Variants in PTPRD observed in about 807,000 individuals in gnomAD.
PTPRD encodes protein tyrosine phosphatase receptor type D, also known as receptor-type tyrosine-protein phosphatase delta.
In PTPRD, 34 loss-of-function variants were observed where a neutral mutation model predicts 214.5. The ratio of observed to expected loss-of-function variants is 0.16; its 90% confidence interval spans 0.12 to 0.21. PTPRD has a LOEUF of 0.21. Among genes scored for constraint, PTPRD ranks in the 10% least tolerant of loss-of-function variants. PTPRD has a pLI of 1.00. For synonymous variants in PTPRD, 1,128 were observed against 845.7 expected, an observed-to-expected ratio of 1.33 and a Z score of -5.79; for missense variants, 2,545 against 2,398.7, an observed-to-expected ratio of 1.06 and a Z score of -1.27.
At chr9:9,285,499 C>T (rs1430242885) in intron 9 of PTPRD, among the ~76,000 whole-genome samples, 1 of 151,826 alleles carries the variant, frequency 6.6e-6, no homozygotes, top group Non-Finnish European at 1.5e-5. Context: ...TTCTTGCTCT[C>T]TCCAGACATT....
chr9:10,204,713 GTGTC>G (rs1460329066), intron 3 of PTPRD, among the ~76,000 whole-genome samples: 1 of 152,058 alleles, frequency 6.6e-6, no homozygotes, highest in East Asian at 1.9e-4. Flanking sequence ...ATTGGAAAAA[GTGTC>G]TGCAATCTGA....
At chr9:8,794,079 G>A (rs1599986762) in intron 11 of PTPRD, among the ~76,000 whole-genome samples, 1 of 152,168 alleles carries the variant, frequency 6.6e-6, no homozygotes, top group South Asian at 2.1e-4. Context: ...GCAGCAGCCT[G>A]AATCAAAGAG....
intron 36 of PTPRD, among the ~76,000 whole-genome samples, chr9:8,403,088 T>G (rs1404976649): frequency 6.6e-6 from 1 of 152,148 alleles, no homozygotes; most frequent in African/African-American, 2.4e-5. Flanking sequence ...TGGAAACAAA[T>G]GTATTAATGG....
chr9:10,051,268 G>A (rs1210721907), intron 3 of PTPRD, among the ~76,000 whole-genome samples: 1 of 152,006 alleles, frequency 6.6e-6, no homozygotes, highest in Non-Finnish European at 1.5e-5. Flanking sequence ...GCTATCATTT[G>A]GTAATTATTG....
chr9:9,460,394 C>T (rs186238697), intron 8 of PTPRD, among the ~76,000 whole-genome samples: 1 of 151,990 alleles, frequency 6.6e-6, no homozygotes, highest in Non-Finnish European at 1.5e-5. Flanking sequence ...AGTAAATGGG[C>T]AGCCTGCAGA....
chr9:8,977,959 G>A (rs982512161), intron 11 of PTPRD, among the ~76,000 whole-genome samples: 3 of 152,006 alleles, frequency 2.0e-5, no homozygotes, highest in South Asian at 2.1e-4. Flanking sequence ...TGTTTATACT[G>A]TTGTCTTTTA....
rs538638113 is a variant in PTPRD at position 9,677,857 on chromosome 9, C to A, written c.-287+56676G>T. On this transcript the variant is annotated intron_variant, in intron 7 of 45. Coordinates refer to ENST00000381196, the MANE Select transcript of PTPRD (RefSeq NM_002839.4). ...CCCAAAATCTCCTTAAGTTGATAGG[C>A]AAGTTCAGCAAAGTCTCAGGATACA... Among the ~76,000 whole-genome samples the A allele has an allele frequency of 2.5e-3, 377 of 152,142 alleles. 2 individuals carry two copies. The highest frequency in any genetic ancestry group is 8.5e-3 in the African/African-American group (354 of 41,522).
intron 3 of PTPRD, among the ~76,000 whole-genome samples, chr9:10,251,133 A>G (rs1030126183): frequency 6.6e-6 from 1 of 152,154 alleles, no homozygotes; most frequent in Non-Finnish European, 1.5e-5. Context: ...AAAACAAAAC[A>G]TCCTATTAAT....
intron 31 of PTPRD, among the ~76,000 whole-genome samples, chr9:8,470,321 C>T (rs1591371528): frequency 1.3e-5 from 2 of 152,062 alleles, no homozygotes; most frequent in South Asian, 4.1e-4. Flanking sequence ...TATGCATTAC[C>T]TTTCAAAAAT....
chr9:9,269,952 G>C (rs1020572698), intron 9 of PTPRD, among the ~76,000 whole-genome samples: 1 of 150,570 alleles, frequency 6.6e-6, no homozygotes, highest in Middle Eastern at 3.2e-3. Flanking sequence ...GGTGACTATA[G>C]TTAATATCGA....
chr9:9,700,651 G>A (rs2097480658), intron 7 of PTPRD, among the ~76,000 whole-genome samples: 2 of 151,958 alleles, frequency 1.3e-5, no homozygotes, highest in African/African-American at 4.8e-5. Flanking sequence ...ATGAATTACA[G>A]TCATATACAA....
intron 2 of PTPRD, among the ~76,000 whole-genome samples, chr9:10,484,533 T>C (rs1282517994): frequency 2.0e-5 from 3 of 152,100 alleles, no homozygotes; most frequent in Non-Finnish European, 4.4e-5. Context: ...TTTCTCCATA[T>C]CCTTGTTGAG....
chr9:9,778,153 T>C (rs143583786), intron 5 of PTPRD, among the ~76,000 whole-genome samples: 64 of 152,142 alleles, frequency 4.2e-4, no homozygotes, highest in African/African-American at 1.5e-3. Flanking sequence ...CTGTGGTGGA[T>C]GGAGAGGTGA....
At chr9:9,614,480 A>G (rs993045674) in intron 7 of PTPRD, among the ~76,000 whole-genome samples, 7 of 152,194 alleles carry the variant, frequency 4.6e-5, no homozygotes, top group African/African-American at 1.7e-4. Flanking sequence ...TCTTTGCAAA[A>G]CATATTAAAT....
chr9:9,825,047 C>T (rs1470656157), intron 5 of PTPRD, among the ~76,000 whole-genome samples: 1 of 151,944 alleles, frequency 6.6e-6, no homozygotes, highest in Non-Finnish European at 1.5e-5. Context: ...CATTTATGCT[C>T]AGTTCCTAAA....
rs1417238897 is a variant in PTPRD at position 8,499,789 on chromosome 9, G to A, written c.2180C>T (p.Ser727Phe). 6.2e-7 allele frequency: 1 copy of A among 1,613,766 alleles called. No individual in the cohort carries two copies. Among genetic ancestry groups the A allele is most frequent in the Non-Finnish European group, 8.5e-7 (1 of 1,179,824 alleles). Residue 727 changes from serine to phenylalanine, a missense_variant, in exon 25 of 46, where the codon TCT becomes TTT. Ser to Phe is a radical substitution (Grantham distance 155, BLOSUM62 -2). Transcript: ENST00000381196. ...GGGTGAGCGCCATGAGACTTTAACAGATGTTGAGTTGACAGCCTCTACCTC... is the reference window on the plus strand; with the variant it reads ...GGGTGAGCGCCATGAGACTTTAACAAATGTTGAGTTGACAGCCTCTACCTC... Reference protein sequence around the residue: ...KVEVEAVNSTSVKVSWRSPVP... With the variant: ...KVEVEAVNSTFVKVSWRSPVP...
At chr9:9,866,416 T>A (rs942323457) in intron 5 of PTPRD, among the ~76,000 whole-genome samples, 1 of 152,174 alleles carries the variant, frequency 6.6e-6, no homozygotes, top group African/African-American at 2.4e-5. Context: ...GCCATAAATA[T>A]GTTTTTATAC....
intron 11 of PTPRD, chr9:8,862,363 A>C (rs1313053050): frequency 6.6e-6 from 1 of 152,326 alleles, no homozygotes; most frequent in South Asian, 2.1e-4. Context: ...CTCAAGAATA[A>C]ATTAAAAAGC....
chr9:9,695,242 A>C (rs933670927), intron 7 of PTPRD, among the ~76,000 whole-genome samples: 2 of 152,260 alleles, frequency 1.3e-5, no homozygotes, highest in African/African-American at 2.4e-5. Flanking sequence ...GAGTGTGTCA[A>C]GAAATGTTGT....
Sources: allele counts gnomAD v4.1 joint callset (sites outside exome capture counted in the v4.1 genomes callset), GRCh38; gene constraint gnomAD v4.1.1; transcripts MANE v1.5; gene names NCBI Gene and HGNC (gene_info 2026-07-23, HGNC 2026-07-21).